Variants in C17orf99 observed in about 807,000 individuals in gnomAD.
The protein encoded by C17orf99 is protein IL-40.
C17orf99 carries 18 observed loss-of-function variants against 22.6 expected under a neutral mutation model. That is an observed-to-expected ratio of 0.80 (90% CI 0.55 to 1.18). The LOEUF (loss-of-function observed/expected upper bound fraction) is 1.18, where lower values mean the gene tolerates loss of function less well. C17orf99 is among the 50% of genes most tolerant of loss of function. C17orf99 has a pLI of 0.00. For synonymous variants in C17orf99, 147 were observed against 136.6 expected, an observed-to-expected ratio of 1.08 and a Z score of -0.53; for missense variants, 328 against 342.7, an observed-to-expected ratio of 0.96 and a Z score of 0.34.
Position 78,164,300 on chromosome 17 carries a change from G to A in C17orf99, c.576G>A (p.Trp192Ter). The change falls in exon 4 of 5, where the codon TGG (tryptophan) becomes TGA (stop). Residue 192 changes from tryptophan to a stop codon, truncating the protein, a stop_gained. Transcript: ENST00000340363. LOFTEE classifies it high-confidence loss of function. ...FSFLPSQTSD[W>*]FWCQAANNAN... ...TCCTGCCGAGCCAGACATCGGACTG[G>A]TTCTGGTGCCAGGCTGCAAACAACG... 1 of 1,551,598 alleles carries A rather than the reference G, an allele frequency of 6.4e-7. No individual in the cohort carries two copies.
At chr17:78,163,994 A>G in intron 3 of C17orf99, 101 bp from the exon 4 acceptor site, 1 of 1,073,478 alleles carries the variant, frequency 9.3e-7, no homozygotes, top group South Asian at 1.4e-5. Context: ...CGGCAGCCAC[A>G]GCTAAGCTCA....
chr17:78,146,609 C>T lies in C17orf99; in HGVS notation c.37+165C>T, dbSNP rs560256027. On this transcript the variant is annotated intron_variant, in intron 1 of 4. Coordinates refer to ENST00000340363, the MANE Select transcript of C17orf99 (RefSeq NM_001163075.2). This position sits in a 1 kb window ranked among gnomAD's most constrained non-coding sequence, Gnocchi z 5.2. ...CTGGGCTTGAGTCTCGGACCAGCCC[C>T]TAAACTTGCTGTATATGTGGTCCAG... is the stretch of plus-strand genomic sequence containing the variant. 2.0e-5 allele frequency among the ~76,000 whole-genome samples: 3 copies of T among 152,252 alleles called. No homozygotes were observed. Among genetic ancestry groups the T allele is most frequent in the Non-Finnish European group, 4.4e-5 (3 of 68,004 alleles).
rs1416891728 is a variant in C17orf99, at chr17:78,166,168, A to AC, written c.*122_*123insC. The AC allele has an allele frequency of 2.5e-6, 1 of 405,390 alleles. No individual in the cohort carries two copies. The highest frequency in any genetic ancestry group is 4.4e-6 in the Non-Finnish European group (1 of 229,852). 25.1% of individuals were successfully genotyped at this position (405,390 alleles called of 1,614,324 possible). ...CTGCTCTTGCCACAAAAAAAAAAAA[A>AC]AAAAAAAAAGGGTAACTATGAGAGA... is the stretch of plus-strand genomic sequence containing the variant. On this transcript the variant is annotated 3_prime_UTR_variant, in exon 5 of 5. Coordinates refer to ENST00000340363, the MANE Select transcript of C17orf99 (RefSeq NM_001163075.2).
intron 2 of C17orf99, among the ~76,000 whole-genome samples, chr17:78,148,239 G>A (rs1399297622): frequency 2.3e-5 from 3 of 130,884 alleles, no homozygotes. Context: ...AAAAGAAAAT[G>A]GCTCGATCTC....
intron 3 of C17orf99, among the ~76,000 whole-genome samples, chr17:78,163,212 C>T (rs530238917): frequency 4.4e-4 from 67 of 152,218 alleles, no homozygotes; most frequent in African/African-American, 1.6e-3. Flanking sequence ...GGTGATCACA[C>T]CATTGCACTC....
chr17:78,150,130 T>TC (rs1362292284), intron 2 of C17orf99, among the ~76,000 whole-genome samples: 2 of 152,182 alleles, frequency 1.3e-5, no homozygotes, highest in Non-Finnish European at 2.9e-5. Context: ...CGCCTCAGCC[T>TC]CCAGAGTAAC....
At chr17:78,163,993 C>A in intron 3 of C17orf99, 102 bp from the exon 4 acceptor site, 1 of 1,067,612 alleles carries the variant, frequency 9.4e-7, no homozygotes, top group Non-Finnish European at 1.4e-6. Context: ...GCGGCAGCCA[C>A]AGCTAAGCTC....
chr17:78,165,436 A>G (rs935345946), intron 4 of C17orf99: 1 of 985,376 alleles, frequency 1.0e-6, no homozygotes, highest in Admixed American at 6.2e-5. Flanking sequence ...AATGGGGTAC[A>G]GCCTTCATTT....
At chr17:78,154,982 G>T (rs181149880) in intron 2 of C17orf99, among the ~76,000 whole-genome samples, 1 of 152,078 alleles carries the variant, frequency 6.6e-6, no homozygotes, top group South Asian at 2.1e-4. Context: ...GGCTGCTGCC[G>T]GTTGTCTAGA....
Position 78,146,996 on chromosome 17 carries a change from G to A in C17orf99, c.70+85G>A. 2 of 1,214,620 alleles carry A rather than the reference G, an allele frequency of 1.6e-6. No homozygotes were observed. Among genetic ancestry groups the A allele is most frequent in the Admixed American group, 2.0e-5 (1 of 50,400 alleles). The allele number at this position is 1,214,620 out of a possible 1,614,324, so 75.2% of individuals were successfully genotyped here. ...CCCCATGGTGGAGGGCGCCTCGGCTGGGAAGGGAGTTACTAGTGGGGAGGT... is the reference window on the plus strand; with the variant it reads ...CCCCATGGTGGAGGGCGCCTCGGCTAGGAAGGGAGTTACTAGTGGGGAGGT... On this transcript the variant is annotated intron_variant, in intron 2 of 4. Transcript: ENST00000340363. The surrounding 1 kb of genome is among the most constrained non-coding windows in gnomAD (Gnocchi z 5.2).
intron 4 of C17orf99, chr17:78,165,184 T>C: frequency 1.0e-6 from 1 of 993,360 alleles, no homozygotes; most frequent in Non-Finnish European, 1.2e-6. Flanking sequence ...GCCTGTGTGC[T>C]CTGCCTGTCT....
chr17:78,157,859 A>G, intron 2 of C17orf99: 1 of 1,107,698 alleles, frequency 9.0e-7, no homozygotes. Context: ...CCGGCCACGT[A>G]AGATCGTCGA....
At chr17:78,148,678 G>A (rs370478449) in intron 2 of C17orf99, among the ~76,000 whole-genome samples, 1 of 152,166 alleles carries the variant, frequency 6.6e-6, no homozygotes, top group African/African-American at 2.4e-5. Flanking sequence ...GGAGCCGACC[G>A]AGCAGGAAGT....
chr17:78,165,399 G>A lies in C17orf99; in HGVS notation c.641-490G>A, dbSNP rs111503749. ...ACTCGTGGGTGAGCCATGTCACCTC[G>A]CCGAGCCTCAGTTTTTCCTTCTGTA... On this transcript the variant is annotated intron_variant, in intron 4 of 4. Transcript: ENST00000340363. 2.2e-3 allele frequency: 2,209 copies of A among 985,468 alleles called. 41 individuals are homozygous for A. The African/African-American group carries it at 0.035, about 16-fold the overall frequency. 61.0% of individuals were successfully genotyped at this position (985,468 alleles called of 1,614,324 possible).
chr17:78,161,052 GCC>G lies in C17orf99; in HGVS notation c.170_171del (p.Pro57HisfsTer71). On this transcript the variant is annotated frameshift_variant, in exon 3 of 5. Coordinates refer to ENST00000340363, the MANE Select transcript of C17orf99 (RefSeq NM_001163075.2). LOFTEE classifies it high-confidence loss of function. ...CCTGCTGTGCACCCCAGCCACCACC[GCC>G]CATCACCTATTCCCTCTGTGGAACC... ...ITCCAPQPPPPITYSLCGTKN... is the reference protein window; with the variant it reads ...ITCCAPQPPPXITYSLCGTKN... The G allele has an allele frequency of 6.4e-7, 1 of 1,551,642 alleles. No homozygotes were observed. The highest frequency in any genetic ancestry group is 8.7e-7 in the Non-Finnish European group (1 of 1,146,980).
chr17:78,159,464 C>A (rs1452400332), intron 2 of C17orf99, among the ~76,000 whole-genome samples: 3 of 152,034 alleles, frequency 2.0e-5, no homozygotes, highest in Non-Finnish European at 4.4e-5. Context: ...CATGATGAAA[C>A]CCCATGTCTA....
At chr17:78,157,704 G>A (rs2075538476) in intron 2 of C17orf99, 1 of 450,184 alleles carries the variant, frequency 2.2e-6, no homozygotes, top group Admixed American at 3.5e-5. Context: ...GGCTGAGGCA[G>A]GAGAATGGCG....
intron 2 of C17orf99, chr17:78,158,157 TG>T (rs1373093794): frequency 3.8e-6 from 3 of 784,392 alleles, no homozygotes; most frequent in African/African-American, 1.7e-5. Flanking sequence ...ATCATGGTGC[TG>T]TCTGCCATGA....
intron 2 of C17orf99, among the ~76,000 whole-genome samples, chr17:78,149,733 G>T (rs1016702138): frequency 6.7e-5 from 10 of 148,816 alleles, no homozygotes; most frequent in African/African-American, 2.5e-4. Context: ...TTTTTGAGAC[G>T]GGGTCTCGCT....
Sources: allele counts gnomAD v4.1 joint callset (sites outside exome capture counted in the v4.1 genomes callset), GRCh38; gene constraint gnomAD v4.1.1; non-coding constraint Gnocchi (gnomAD v3.1); transcripts MANE v1.5; gene names NCBI Gene and HGNC (gene_info 2026-07-23, HGNC 2026-07-21).